Variants in AKT2 observed in about 807,000 individuals in gnomAD.
AKT2 encodes the protein RAC-beta serine/threonine-protein kinase.
Under a neutral mutation model 58.6 loss-of-function variants are expected in AKT2, and 16 were observed. That is an observed-to-expected ratio of 0.27 (90% CI 0.18 to 0.41). The LOEUF is 0.41. Ranked by LOEUF, AKT2 falls within the 10% of genes least tolerant of loss-of-function variation. AKT2 has a pLI of 1.00. For synonymous variants in AKT2, 253 were observed against 254.0 expected, an observed-to-expected ratio of 1.00 and a Z score of 0.04; for missense variants, 438 against 661.0, an observed-to-expected ratio of 0.66 and a Z score of 3.70.
intron 4 of AKT2, among the ~76,000 whole-genome samples, chr19:40,254,225 G>T (rs1381520116): frequency 6.6e-6 from 1 of 152,136 alleles, no homozygotes; most frequent in Non-Finnish European, 1.5e-5. Flanking sequence ...AAAATCAATA[G>T]AGATGCTCAT....
rs1284479566 is a variant in AKT2, at chr19:40,242,614, C to T, written c.361G>A (p.Asp121Asn). The T allele has an allele frequency of 9.9e-6, 16 of 1,613,722 alleles. No homozygotes were observed. The highest frequency in any genetic ancestry group is 1.4e-5 in the Non-Finnish European group (16 of 1,180,020). The change falls in exon 5 of 14, where the codon GAC becomes AAC. Residue 121 changes from aspartate to asparagine, a missense_variant. Asp to Asn is a conservative substitution (Grantham distance 23). Around this residue, in one of 3 missense-constraint regions of AKT2, gnomAD observed 244 missense variants for 347.1 expected, o/e 0.70. Transcript: ENST00000392038. The surrounding 1 kb of genome is among the most constrained non-coding windows in gnomAD (Gnocchi z 4.3). ...TCACTGGGGGAGCCACACTTGTAGT[C>T]CATGGGGTCCTCGCCTGGGGCCCGC... ...KQRAPGEDPM[D>N]YKCGSPSDSS...
chr19:40,258,829 C>T (rs1388298713), intron 2 of AKT2, among the ~76,000 whole-genome samples: 1 of 152,026 alleles, frequency 6.6e-6, no homozygotes, highest in African/African-American at 2.4e-5. Flanking sequence ...GCAATACTAC[C>T]CAAAGCAATA....
chr19:40,258,192 C>G (rs1017297069), intron 2 of AKT2, among the ~76,000 whole-genome samples: 1 of 136,482 alleles, frequency 7.3e-6, no homozygotes, highest in Non-Finnish European at 1.5e-5. Context: ...TGCCGTGAGC[C>G]GAGATCACAC....
At chr19:40,279,962 G>A (rs1489603252) in intron 1 of AKT2, among the ~76,000 whole-genome samples, 5 of 152,162 alleles carry the variant, frequency 3.3e-5, no homozygotes, top group Admixed American at 6.5e-5. Context: ...CTACCCACAC[G>A]TCACCTCCTC....
chr19:40,261,290 T>C (rs1975928646), intron 2 of AKT2, among the ~76,000 whole-genome samples: 2 of 152,170 alleles, frequency 1.3e-5, no homozygotes, highest in Non-Finnish European at 2.9e-5. Context: ...CCCAGCACTT[T>C]GGGAGGCCAA....
chr19:40,242,439 C>T lies in AKT2; in HGVS notation c.441+95G>A. Reference sequence around the variant, plus strand: ...GGCAGCCTTGTCTCTCAGCTGAGCCCCCTGAACTGTGTTATGGAAACCAAG... The same window carrying T: ...GGCAGCCTTGTCTCTCAGCTGAGCCTCCTGAACTGTGTTATGGAAACCAAG... On this transcript the variant is annotated intron_variant, in intron 5 of 13. Transcript: ENST00000392038. The surrounding 1 kb of genome is among the most constrained non-coding windows in gnomAD (Gnocchi z 4.3). 6.4e-7 allele frequency: 1 copy of T among 1,565,990 alleles called. No homozygotes were observed. The highest frequency in any genetic ancestry group is 1.3e-5 in the African/African-American group (1 of 74,248).
intron 1 of AKT2, chr19:40,279,148 G>A (rs935522958): frequency 7.2e-5 from 11 of 152,276 alleles, no homozygotes; most frequent in African/African-American, 2.4e-4. Flanking sequence ...CCAGCAGGAC[G>A]GCTGGGCTGA....
intron 4 of AKT2, among the ~76,000 whole-genome samples, chr19:40,248,720 GAGGAGATGAGGACAGAGAGGAGTGC>G (rs2145245709): frequency 2.0e-5 from 3 of 152,192 alleles, no homozygotes; most frequent in African/African-American, 4.8e-5. Flanking sequence ...GAGAGGAGTG[GAGGAGATGAGGACAGAGAGGAGTGC>G]AGGAGATGAG....
chr19:40,259,535 C>A (rs1311809633), intron 2 of AKT2, among the ~76,000 whole-genome samples: 3 of 152,166 alleles, frequency 2.0e-5, no homozygotes, highest in African/African-American at 7.2e-5. Flanking sequence ...GCAATGAATT[C>A]TTAGATGACA....
rs555172239 is a variant in AKT2 at position 40,233,723 on chromosome 19, C to T, written c.*149G>A. The T allele has an allele frequency of 3.2e-4, 244 of 773,796 alleles. No individual in the cohort carries two copies. In the East Asian group the frequency reaches 5.9e-3, roughly 19 times the overall value. The allele number at this position is 773,796 out of a possible 1,614,324, so 47.9% of individuals were successfully genotyped here. A position where few individuals can be genotyped will look rare whatever the true frequency, so the allele number is the denominator to read the frequency against. ...AGGGGCTGCAGGGGCCGCTGGGGTG[C>T]GTCTGGGAGGGGCCTGAAGAAGAAC... On this transcript the variant is annotated 3_prime_UTR_variant, in exon 14 of 14. Coordinates refer to ENST00000392038, the MANE Select transcript of AKT2 (RefSeq NM_001626.6). The surrounding 1 kb of genome is among the most constrained non-coding windows in gnomAD (Gnocchi z 4.3).
chr19:40,233,625 C>T lies in AKT2; in HGVS notation c.*247G>A, dbSNP rs775414767. 1.3e-5 allele frequency: 10 copies of T among 748,970 alleles called. No individual in the cohort carries two copies. The highest frequency in any genetic ancestry group is 1.7e-5 in the Non-Finnish European group (7 of 407,640). The allele number at this position is 748,970 out of a possible 1,614,324, so 46.4% of individuals were successfully genotyped here. ...ACCTGAATCTCCAACCGCCCAACAG[C>T]CCAGGCCTGGGCGGGAGGTGGAGTC... is the stretch of plus-strand genomic sequence containing the variant. On this transcript the variant is annotated 3_prime_UTR_variant, in exon 14 of 14. Transcript: ENST00000392038. This position sits in a 1 kb window ranked among gnomAD's most constrained non-coding sequence, Gnocchi z 4.3.
In AKT2 at chr19:40,270,031, T is replaced by C. The variant is rs560995226; in HGVS notation, c.-84-4680A>G. 4.6e-5 allele frequency among the ~76,000 whole-genome samples: 7 copies of C among 152,288 alleles called. 1 individual carries two copies. In the South Asian group the frequency reaches 1.4e-3, roughly 32 times the overall value. ...TGCCTGGCTCCCTCAGCTGCCAGGATACATGGGGACGCCCCACCTCAGGGC... is the reference window on the plus strand; with the variant it reads ...TGCCTGGCTCCCTCAGCTGCCAGGACACATGGGGACGCCCCACCTCAGGGC... On this transcript the variant is annotated intron_variant, in intron 1 of 13. Coordinates refer to ENST00000392038, the MANE Select transcript of AKT2 (RefSeq NM_001626.6).
intron 4 of AKT2, among the ~76,000 whole-genome samples, chr19:40,250,104 C>T (rs1266836121): frequency 6.6e-6 from 1 of 152,128 alleles, no homozygotes; most frequent in Non-Finnish European, 1.5e-5. Flanking sequence ...CTGGAGAGGT[C>T]GCTGGATCAT....
At chr19:40,250,290 G>A (rs965693641) in intron 4 of AKT2, among the ~76,000 whole-genome samples, 5 of 151,042 alleles carry the variant, frequency 3.3e-5, no homozygotes, top group African/African-American at 9.8e-5. Context: ...ATCACCTGAG[G>A]TCAGGAGTTC....
At chr19:40,268,973 A>C (rs906635564) in intron 1 of AKT2, 1 of 152,372 alleles carries the variant, frequency 6.6e-6, no homozygotes, top group African/African-American at 2.4e-5. Flanking sequence ...CTGAAAACAG[A>C]AAATTAGCTG....
In AKT2 at chr19:40,271,030, AC is replaced by A. The variant is rs1380166162; in HGVS notation, c.-84-5680del. 7.3e-5 allele frequency among the ~76,000 whole-genome samples: 11 copies of A among 149,988 alleles called. No individual in the cohort carries two copies. The South Asian group carries it at 1.5e-3, about 20-fold the overall frequency. On this transcript the variant is annotated intron_variant, in intron 1 of 13. Coordinates refer to ENST00000392038, the MANE Select transcript of AKT2 (RefSeq NM_001626.6). ...TGTGTCTCAAAAAACAGACAAACAA[AC>A]AAACAAACAAACAAACAAAAAAAGC...
chr19:40,275,486 C>T (rs1443696871), intron 1 of AKT2: 1 of 370,710 alleles, frequency 2.7e-6, no homozygotes, highest in African/African-American at 2.1e-5. Flanking sequence ...TGTTACTATC[C>T]CCGTTCCTCA....
rs562068988 is a variant in AKT2, at chr19:40,233,468, G to C, written c.*404C>G. On this transcript the variant is annotated 3_prime_UTR_variant, in exon 14 of 14. Coordinates refer to ENST00000392038, the MANE Select transcript of AKT2 (RefSeq NM_001626.6). The surrounding 1 kb of genome is among the most constrained non-coding windows in gnomAD (Gnocchi z 4.3). ...AGCACCACTGTCTGCCGGGTGTCGC[G>C]TCCCACCAGAAGGCAGCCTTCGTCC... 1 of 535,688 alleles carries C rather than the reference G, an allele frequency of 1.9e-6. No homozygotes were observed. Among genetic ancestry groups the C allele is most frequent in the East Asian group, 3.4e-5 (1 of 29,110 alleles). The allele number at this position is 535,688 out of a possible 1,614,324, so 33.2% of individuals were successfully genotyped here.
intron 4 of AKT2, among the ~76,000 whole-genome samples, chr19:40,252,506 C>T (rs1266853821): frequency 6.6e-6 from 1 of 152,200 alleles, no homozygotes; most frequent in Non-Finnish European, 1.5e-5. Context: ...CCAGGTACTG[C>T]TGCATCAGCC....
Sources: gnomAD v4.1 joint callset for allele counts (sites outside exome capture counted in the v4.1 genomes callset) on GRCh38, gnomAD v4.1.1 for gene constraint, gnomAD v4.1.1 regional missense constraint, Gnocchi (gnomAD v3.1) non-coding constraint, MANE v1.5 for transcripts, NCBI Gene and HGNC (gene_info 2026-07-23, HGNC 2026-07-21) for gene names.